KIAA0232: variants seen among roughly 807,000 people sequenced by gnomAD.
KIAA0232 encodes KIAA0232.
A neutral mutation model predicts 122.0 loss-of-function variants in KIAA0232; 27 were observed. The ratio of observed to expected loss-of-function variants is 0.22; its 90% CI spans 0.16 to 0.31. KIAA0232 has a LOEUF of 0.31. KIAA0232 is among the 10% of genes least tolerant of loss of function. The pLI is 1.00. For synonymous variants in KIAA0232, 613 were observed against 587.6 expected, an observed-to-expected ratio of 1.04 and a Z score of -0.63; for missense variants, 1,551 against 1,634.2, an observed-to-expected ratio of 0.95 and a Z score of 0.88.
At chr4:6,810,262 A>C (rs1717817323) in intron 2 of KIAA0232, among the ~76,000 whole-genome samples, 1 of 152,206 alleles carries the variant, frequency 6.6e-6, no homozygotes. Context: ...GAGAGTCCAG[A>C]AATTAAGCCA....
intron 9 of KIAA0232, among the ~76,000 whole-genome samples, chr4:6,879,649 T>C (rs1460174916): frequency 1.3e-5 from 2 of 152,136 alleles, no homozygotes; most frequent in African/African-American, 4.8e-5. Flanking sequence ...GTAATGACTG[T>C]GACTGAGGAG....
At chr4:6,835,609 C>A (rs1252366993) in intron 3 of KIAA0232, among the ~76,000 whole-genome samples, 1 of 152,130 alleles carries the variant, frequency 6.6e-6, no homozygotes, top group Non-Finnish European at 1.5e-5. Context: ...TAACGCTATC[C>A]CTCCCCCAGC....
chr4:6,874,952 T>C (rs1332860097), intron 8 of KIAA0232, among the ~76,000 whole-genome samples: 1 of 152,072 alleles, frequency 6.6e-6, no homozygotes, highest in Non-Finnish European at 1.5e-5. Context: ...AGGAGTGGGG[T>C]GTGGAGATGG....
intron 4 of KIAA0232, among the ~76,000 whole-genome samples, chr4:6,854,304 G>A (rs946061895): frequency 6.6e-6 from 1 of 152,090 alleles, no homozygotes; most frequent in African/African-American, 2.4e-5. Flanking sequence ...CCAGAAAGAG[G>A]AAGTGGCACA....
intron 3 of KIAA0232, among the ~76,000 whole-genome samples, chr4:6,835,619 C>A (rs1719223823): frequency 6.6e-6 from 1 of 152,194 alleles, no homozygotes; most frequent in African/African-American, 2.4e-5. Flanking sequence ...CCTCCCCCAG[C>A]TCCCCGCCTC....
chr4:6,866,779 T>C (rs1422678062), intron 7 of KIAA0232, among the ~76,000 whole-genome samples: 4 of 152,250 alleles, frequency 2.6e-5, no homozygotes, highest in African/African-American at 9.6e-5. Context: ...CCTGTTTACA[T>C]GCCTGTTGCT....
intron 4 of KIAA0232, among the ~76,000 whole-genome samples, chr4:6,847,890 T>A (rs1234223490): frequency 6.6e-6 from 1 of 152,222 alleles, no homozygotes; most frequent in African/African-American, 2.4e-5. Context: ...ATATTTGTTT[T>A]ATTTTTATTG....
At position 6,861,922 on chromosome 4, in the gene KIAA0232, A is replaced by G. The variant is rs1720891231; in HGVS notation, c.1540A>G (p.Ile514Val). 1.2e-6 allele frequency: 2 copies of G among 1,614,018 alleles called. No homozygotes were observed. The highest frequency in any genetic ancestry group is 1.7e-6 in the Non-Finnish European group (2 of 1,179,880). ...ATTAACGCACTTCTATGAAGTGGAT[A>G]TTGATCAATCCATGTTGGATCCTGG... ...SELTHFYEVD[I>V]DQSMLDPGAS... Residue 514 changes from isoleucine to valine, a missense_variant, in exon 7 of 10, where the codon ATT (isoleucine) becomes GTT (valine). By Grantham distance (29) the Ile-to-Val change is conservative. Coordinates refer to ENST00000307659, the MANE Select transcript of KIAA0232 (RefSeq NM_014743.3).
chr4:6,848,509 C>G (rs1560191249), intron 4 of KIAA0232, among the ~76,000 whole-genome samples: 1 of 152,156 alleles, frequency 6.6e-6, no homozygotes, highest in Non-Finnish European at 1.5e-5. Context: ...ATAGCATTTA[C>G]ATTGTATTAG....
intron 2 of KIAA0232, among the ~76,000 whole-genome samples, chr4:6,808,237 G>T (rs1005210290): frequency 2.6e-5 from 4 of 151,824 alleles, no homozygotes; most frequent in South Asian, 4.2e-4. Context: ...TTTTCTTTAT[G>T]CTCTTTTCTA....
intron 7 of KIAA0232, among the ~76,000 whole-genome samples, chr4:6,867,757 T>C (rs1239884523): frequency 6.6e-6 from 1 of 152,196 alleles, no homozygotes; most frequent in Non-Finnish European, 1.5e-5. Context: ...CTGTCACCAC[T>C]ATCCTACTGG....
rs1722168469 is a variant in KIAA0232 at position 6,883,250 on chromosome 4, C to T, written c.*2284C>T. The stretch of plus-strand genomic sequence containing the variant: ...AGCACTGAAGTACCAGTTTCCATTC[C>T]TGGGCTGAGATTGTTTTTCCCGTGG... On this transcript the variant is annotated 3_prime_UTR_variant, in exon 10 of 10. Transcript: ENST00000307659. 1 of 152,626 alleles carries T rather than the reference C, an allele frequency of 6.6e-6. No homozygotes were observed. Among genetic ancestry groups the T allele is most frequent in the Admixed American group, 6.5e-5 (1 of 15,278 alleles). The allele number at this position is 152,626 out of a possible 1,614,324, so 9.5% of individuals were successfully genotyped here.
At chr4:6,879,948 G>GTCC (rs1553847233) in intron 9 of KIAA0232, among the ~76,000 whole-genome samples, 1 of 26,010 alleles carries the variant, frequency 3.8e-5, no homozygotes, top group African/African-American at 2.3e-4. Context: ...CGTCTGCAGT[G>GTCC]CCCCCTCACC....
intron 8 of KIAA0232, among the ~76,000 whole-genome samples, chr4:6,874,232 A>T (rs1270894200): frequency 6.6e-6 from 1 of 152,226 alleles, no homozygotes; most frequent in Non-Finnish European, 1.5e-5. Context: ...AGGCAAACAG[A>T]TCGTGTCCCT....
intron 2 of KIAA0232, among the ~76,000 whole-genome samples, chr4:6,821,913 G>A (rs1718443460): frequency 2.0e-5 from 3 of 151,546 alleles, no homozygotes; most frequent in Admixed American, 6.6e-5. Context: ...TAAAGTTTTT[G>A]CTCCATTATC....
intron 4 of KIAA0232, among the ~76,000 whole-genome samples, chr4:6,852,645 A>G (rs567924744): frequency 6.6e-6 from 1 of 152,336 alleles, no homozygotes; most frequent in African/African-American, 2.4e-5. Flanking sequence ...CTACATGACT[A>G]AGTACCCCAA....
chr4:6,875,911 C>T (rs1721725225), intron 8 of KIAA0232, among the ~76,000 whole-genome samples: 1 of 152,162 alleles, frequency 6.6e-6, no homozygotes, highest in Non-Finnish European at 1.5e-5. Context: ...GGGAGCAAAT[C>T]TGCTTTTCAG....
intron 3 of KIAA0232, among the ~76,000 whole-genome samples, chr4:6,832,545 C>T (rs1345869855): frequency 1.3e-5 from 2 of 152,086 alleles, no homozygotes; most frequent in Admixed American, 1.3e-4. Context: ...GATGGGGTTT[C>T]ACCATGTGGG....
Position 6,862,962 on chromosome 4 carries a change from C to T in KIAA0232, c.2580C>T (p.Cys860=). 1 of 1,614,212 alleles carries T rather than the reference C, an allele frequency of 6.2e-7. No individual in the cohort carries two copies. The highest frequency in any genetic ancestry group is 8.5e-7 in the Non-Finnish European group (1 of 1,180,036). The part of the protein sequence containing the change: ...LFSADVNNYC[C]CLDAEAELET... ...CGGCAGATGTAAATAACTACTGCTGCTGTCTAGATGCTGAAGCTGAACTGG... is the reference window on the plus strand; with the variant it reads ...CGGCAGATGTAAATAACTACTGCTGTTGTCTAGATGCTGAAGCTGAACTGG... The change falls in exon 7 of 10, where the codon TGC becomes TGT. Residue 860 remains cysteine, a synonymous_variant. Transcript: ENST00000307659.
Sources: allele counts gnomAD v4.1 joint callset (sites outside exome capture counted in the v4.1 genomes callset), GRCh38; gene constraint gnomAD v4.1.1; transcripts MANE v1.5; gene names NCBI Gene and HGNC (gene_info 2026-07-23, HGNC 2026-07-21).